Variants in OXTR observed in about 807,000 individuals in gnomAD.
OXTR encodes the protein oxytocin receptor.
Under a neutral mutation model 23.9 loss-of-function variants are expected in OXTR, and 19 were observed. The observed-to-expected ratio is 0.80, with a 90% CI of 0.56 to 1.17. The LOEUF (loss-of-function observed/expected upper bound fraction) is 1.17. OXTR is among the 50% of genes most tolerant of loss of function. The pLI, the probability that OXTR is intolerant of heterozygous loss-of-function variation, is 0.00. For synonymous variants in OXTR, 278 were observed against 250.5 expected (o/e 1.11, Z -1.04); for missense variants, 500 against 550.7 (o/e 0.91, Z 0.92).
chr3:8,762,386 C>T (rs1708507960), intron 3 of OXTR, among the ~76,000 whole-genome samples: 1 of 152,190 alleles, frequency 6.6e-6, no homozygotes, highest in African/African-American at 2.4e-5. Flanking sequence ...CACCACAGGG[C>T]AGAAACCCTA....
At chr3:8,750,054 G>T (rs779032532), downstream of OXTR, among the ~76,000 whole-genome samples, 1 of 152,152 alleles carries the variant, frequency 6.6e-6, no homozygotes, top group East Asian at 1.9e-4. Context: ...GTGACTAAAG[G>T]TATTTCTTAG....
Position 8,768,835 on chromosome 3 carries a change from T to C in OXTR, c.-238-244A>G, listed in dbSNP as rs1708701722. On this transcript the variant is annotated intron_variant, in intron 1 of 3. Transcript: ENST00000316793. This position sits in a 1 kb window ranked among gnomAD's most constrained non-coding sequence, Gnocchi z 5.4. ...AAACCCCAGCTCTGGTCCTTCCCCG[T>C]CTAACCCCCTTTTCTAAGACGGTCG... is the stretch of plus-strand genomic sequence containing the variant. Among the ~76,000 whole-genome samples, 1 of 152,012 alleles carries C rather than the reference T, an allele frequency of 6.6e-6. No individual in the cohort carries two copies. Among genetic ancestry groups the C allele is most frequent in the South Asian group, 2.1e-4 (1 of 4,818 alleles).
In OXTR at chr3:8,768,623, C is replaced by T. The variant is rs200848991; in HGVS notation, c.-238-32G>A. 1 of 161,378 alleles carries T rather than the reference C, an allele frequency of 6.2e-6. No homozygotes were observed. The highest frequency in any genetic ancestry group is 1.8e-4 in the East Asian group (1 of 5,514). The allele number at this position is 161,378 out of a possible 1,614,324, so 10.0% of individuals were successfully genotyped here. On this transcript the variant is annotated intron_variant, in intron 1 of 3. Coordinates refer to ENST00000316793, the MANE Select transcript of OXTR (RefSeq NM_000916.4). This position sits in a 1 kb window ranked among gnomAD's most constrained non-coding sequence, Gnocchi z 5.4. ...GAGAAGGGAGGGTCAAAATCAGCAA[C>T]GTTCCTCCGGGAGTGGGAATCTAAA...
chr3:8,753,856 G>A (rs958781074), intron 3 of OXTR, among the ~76,000 whole-genome samples: 15 of 152,128 alleles, frequency 9.9e-5, no homozygotes, highest in African/African-American at 2.7e-4. Context: ...ACATCTTGTG[G>A]TTTAGGTAGG....
rs760621269 is a variant in OXTR, at chr3:8,767,956, TGAA to T, written c.229_231del (p.Phe77del). 2.4e-5 allele frequency: 38 copies of T among 1,612,974 alleles called. No individual in the cohort carries two copies. Among genetic ancestry groups the T allele is most frequent in the East Asian group, 4.5e-5 (2 of 44,850 alleles). On this transcript the variant is annotated inframe_deletion, in exon 3 of 4. Transcript: ENST00000316793. ...AGGTCGGCGATGCTTAGGTGCTTCA[TGAA>T]GAAGAAGAGGCGCGAGTGCTTCTGG...
At chr3:8,765,177 A>T (rs369125897) in intron 3 of OXTR, among the ~76,000 whole-genome samples, 1 of 152,212 alleles carries the variant, frequency 6.6e-6, no homozygotes, top group Admixed American at 6.5e-5. Context: ...ACGTGCTTTT[A>T]AAGTGTAGAA....
chr3:8,769,161 CCTCCACTCGGGTCCCGATGG>C (rs1708708360), intron 1 of OXTR, 50 bp downstream of exon 1: 1 of 152,496 alleles, frequency 6.6e-6, no homozygotes, highest in Admixed American at 6.5e-5. Flanking sequence ...CACCCCACCA[CCTCCACTCGGGTCCCGATGG>C]CTCCACCGGC....
At chr3:8,745,396 A>G (rs992397443), downstream of OXTR, 4 of 710,290 alleles carry the variant, frequency 5.6e-6, no homozygotes, top group East Asian at 1.1e-4. The surrounding 1 kb of genome is among the most constrained non-coding windows in gnomAD (Gnocchi z 4.8). Flanking sequence ...GAATAGCCTA[A>G]TACAGGTAGG....
chr3:8,764,870 A>G (rs1708570422), intron 3 of OXTR, among the ~76,000 whole-genome samples: 1 of 152,204 alleles, frequency 6.6e-6, no homozygotes, highest in Non-Finnish European at 1.5e-5. Context: ...TCAGTACCTG[A>G]GACAGAATGC....
At chr3:8,756,135 AT>A (rs1241230225) in intron 3 of OXTR, among the ~76,000 whole-genome samples, 1 of 152,164 alleles carries the variant, frequency 6.6e-6, no homozygotes, top group Non-Finnish European at 1.5e-5. Flanking sequence ...TGTATAGGCC[AT>A]AGCATTCCCC....
chr3:8,755,768 AAAGTCGTT>A (rs1162003974), intron 3 of OXTR, among the ~76,000 whole-genome samples: 1 of 152,214 alleles, frequency 6.6e-6, no homozygotes, highest in Non-Finnish European at 1.5e-5. Flanking sequence ...CTAGTCACCC[AAAGTCGTT>A]AAGTTTCCAG....
At chr3:8,742,454 C>G in the OXTR span, 1 of 456,174 alleles carries the variant, frequency 2.2e-6, no homozygotes, top group Non-Finnish European at 4.4e-6. Flanking sequence ...AAGTACTGTA[C>G]TTACTACTGT....
chr3:8,757,806 G>C (rs1006535506), intron 3 of OXTR, among the ~76,000 whole-genome samples: 16 of 152,144 alleles, frequency 1.1e-4, no homozygotes, highest in African/African-American at 3.9e-4. Flanking sequence ...GGCATTTCTC[G>C]GAGGAGGAAG....
rs772198491 is a variant in OXTR, at chr3:8,767,405, G to A, written c.783C>T (p.Ser261=). The A allele has an allele frequency of 3.1e-6, 5 of 1,611,412 alleles. No individual in the cohort carries two copies. The highest frequency in any genetic ancestry group is 1.7e-5 in the Admixed American group (1 of 59,822). ...TGGCCTTGGAGATGAGCTTGACGCT[G>A]CTGACACGCGCCAGGGCCACGCGCC... ...DGGRVALARV[S]SVKLISKAKI... The change falls in exon 3 of 4, where the codon AGC becomes AGT. Residue 261 remains serine, a synonymous_variant. Transcript: ENST00000316793.
downstream of OXTR, chr3:8,745,564 C>G (rs375087776): frequency 1.2e-6 from 2 of 1,614,088 alleles, no homozygotes; most frequent in Non-Finnish European, 1.7e-6. The surrounding 1 kb of genome is among the most constrained non-coding windows in gnomAD (Gnocchi z 4.8). Flanking sequence ...CTGTGGGCAC[C>G]TACAGCTTTG....
chr3:8,761,760 C>T (rs2125002258), intron 3 of OXTR, among the ~76,000 whole-genome samples: 1 of 152,346 alleles, frequency 6.6e-6, no homozygotes, highest in South Asian at 2.1e-4. Context: ...ACTGATCCCA[C>T]TCCTCCCTTC....
chr3:8,768,210 C>T lies in OXTR; in HGVS notation c.-23G>A. The T allele has an allele frequency of 7.8e-7, 1 of 1,280,970 alleles. No individual in the cohort carries two copies. The highest frequency in any genetic ancestry group is 9.8e-7 in the Non-Finnish European group (1 of 1,020,304). The allele number at this position is 1,280,970 out of a possible 1,614,324, so 79.4% of individuals were successfully genotyped here. On this transcript the variant is annotated 5_prime_UTR_variant, in exon 3 of 4. Coordinates refer to ENST00000316793, the MANE Select transcript of OXTR (RefSeq NM_000916.4). This position sits in a 1 kb window ranked among gnomAD's most constrained non-coding sequence, Gnocchi z 5.4. ...CATGACCCTGGCGGCAGCGGTGCGC[C>T]CCGGCCTTCGAGCCCTTTACGGCTT...
At chr3:8,744,275 A>ATT in the OXTR span, among the ~76,000 whole-genome samples, 1,426 of 120,806 alleles carry the variant, frequency 0.012, 76 homozygotes, top group African/African-American at 0.041. Flanking sequence ...GACCAGTGGA[A>ATT]TTTTTTTTTT....
rs1708231456 is a variant in OXTR, at chr3:8,750,409, T to C, written c.*2568A>G. 1 of 152,196 alleles carries C rather than the reference T, an allele frequency of 6.6e-6. No individual in the cohort carries two copies. Among genetic ancestry groups the C allele is most frequent in the South Asian group, 2.1e-4 (1 of 4,832 alleles). 9.4% of individuals were successfully genotyped at this position (152,196 alleles called of 1,614,324 possible). A position where few individuals can be genotyped will look rare whatever the true frequency, so the allele number is the denominator to read the frequency against. On this transcript the variant is annotated 3_prime_UTR_variant, in exon 4 of 4. Transcript: ENST00000316793. The stretch of plus-strand genomic sequence containing the variant: ...TCTGAATTCATCTGTTGAATTTTTT[T>C]TGTTTATTTTTATTTTTTAAAGTTC...
Sources: gnomAD v4.1 joint callset for allele counts (sites outside exome capture counted in the v4.1 genomes callset) on GRCh38, gnomAD v4.1.1 for gene constraint, Gnocchi (gnomAD v3.1) non-coding constraint, MANE v1.5 for transcripts, NCBI Gene and HGNC (gene_info 2026-07-23, HGNC 2026-07-21) for gene names.